ATP9A: variants seen among roughly 807,000 people sequenced by gnomAD.
ATP9A encodes the protein ATPase phospholipid transporting 9A, also known as probable phospholipid-transporting ATPase IIA.
In ATP9A, 52 loss-of-function variants were observed where a neutral mutation model predicts 144.1. That is an observed-to-expected ratio of 0.36 (90% CI 0.29 to 0.45). The LOEUF (loss-of-function observed/expected upper bound fraction) is 0.45, where lower values mean the gene tolerates loss of function less well. ATP9A is among the 20% of genes least tolerant of loss of function. The pLI, the probability that ATP9A is intolerant of heterozygous loss-of-function variation, is 1.00. For missense variants in ATP9A, 947 were observed against 1,392.7 expected, an observed-to-expected ratio of 0.68 and a Z score of 5.09; for synonymous variants, 582 against 557.4, an observed-to-expected ratio of 1.04 and a Z score of -0.62.
At chr20:51,729,117 A>T (rs1315117561) in intron 2 of ATP9A, among the ~76,000 whole-genome samples, 1 of 152,156 alleles carries the variant, frequency 6.6e-6, no homozygotes, top group African/African-American at 2.4e-5. Flanking sequence ...TTTCTCCTCT[A>T]AGCTATTATC....
intron 10 of ATP9A, 63 bp from the exon 11 acceptor site, chr20:51,674,376 C>G (rs1413400758): frequency 1.2e-5 from 19 of 1,565,332 alleles, no homozygotes; most frequent in Non-Finnish European, 1.7e-5. Context: ...CAAACCTAAA[C>G]CAGGAGGTGG....
intron 14 of ATP9A, among the ~76,000 whole-genome samples, chr20:51,650,358 A>AC (rs1258091156): frequency 1.3e-5 from 2 of 151,868 alleles, no homozygotes; most frequent in East Asian, 3.9e-4. Flanking sequence ...ATATGGTGAA[A>AC]CCCCGTCTCT....
intron 8 of ATP9A, among the ~76,000 whole-genome samples, chr20:51,690,456 C>T (rs770174376): frequency 6.6e-6 from 1 of 152,128 alleles, no homozygotes; most frequent in Non-Finnish European, 1.5e-5. Context: ...ATCTGAAGGA[C>T]AGAGAAAGAA....
At chr20:51,731,794 C>A (rs1178256070) in intron 1 of ATP9A, among the ~76,000 whole-genome samples, 1 of 152,122 alleles carries the variant, frequency 6.6e-6, no homozygotes. Flanking sequence ...CTGGGTCTGG[C>A]CTTGAACTGT....
intron 15 of ATP9A, among the ~76,000 whole-genome samples, chr20:51,634,413 C>T (rs925788224): frequency 1.3e-5 from 2 of 152,264 alleles, no homozygotes; most frequent in East Asian, 1.9e-4. Context: ...ACTCAAGATA[C>T]GGTTTAGAAG....
intron 10 of ATP9A, among the ~76,000 whole-genome samples, chr20:51,674,998 G>A (rs2077471223): frequency 6.6e-6 from 1 of 152,156 alleles, no homozygotes. Context: ...TTTTAGTAGA[G>A]ACGGAGTTTC....
intron 1 of ATP9A, among the ~76,000 whole-genome samples, chr20:51,740,236 T>C (rs1466366240): frequency 3.3e-5 from 5 of 151,514 alleles, no homozygotes; most frequent in Admixed American, 6.6e-5. Context: ...TTATAATTTT[T>C]TGTAGAGTCA....
intron 9 of ATP9A, among the ~76,000 whole-genome samples, chr20:51,685,331 C>T (rs1006447917): frequency 2.0e-5 from 3 of 152,050 alleles, no homozygotes; most frequent in African/African-American, 4.8e-5. Context: ...GAGACTGAGG[C>T]GGGTGGATCA....
At chr20:51,695,940 T>C (rs1450264670) in intron 6 of ATP9A, among the ~76,000 whole-genome samples, 153 bp downstream of exon 6, 1 of 152,224 alleles carries the variant, frequency 6.6e-6, no homozygotes, top group East Asian at 1.9e-4. Flanking sequence ...AACAACACTG[T>C]TTAAAAAGCA....
chr20:51,768,361 G>T lies in ATP9A; in HGVS notation c.9C>A (p.Asp3Glu). The T allele has an allele frequency of 7.9e-7, 1 of 1,270,142 alleles. No homozygotes were observed. Among genetic ancestry groups the T allele is most frequent in the Non-Finnish European group, 1.0e-6 (1 of 998,094 alleles). The allele number at this position is 1,270,142 out of a possible 1,614,324, so 78.7% of individuals were successfully genotyped here. A position where few individuals can be genotyped will look rare whatever the true frequency, so the allele number is the denominator to read the frequency against. ...GGCGCACCGGCTGCAGCGGGATGTT[G>T]TCCGTCATGTCGGCGGCGCCGCCCG... is the stretch of plus-strand genomic sequence containing the variant. MT[D>E]NIPLQPVRQK... Residue 3 changes from aspartate (D) to glutamate (E), a missense_variant, in exon 1 of 28, where the codon GAC becomes GAA. Around this residue, in one of 2 missense-constraint regions of ATP9A, gnomAD observed 770 missense variants for 1,047.9 expected, o/e 0.73. Transcript: ENST00000338821.
chr20:51,692,078 G>C (rs766009358), intron 7 of ATP9A, among the ~76,000 whole-genome samples: 6 of 152,214 alleles, frequency 3.9e-5, no homozygotes, highest in Non-Finnish European at 8.8e-5. Context: ...AAAGATGCTT[G>C]CCAGGGGCTG....
intron 11 of ATP9A, among the ~76,000 whole-genome samples, chr20:51,672,785 G>T (rs1659412319): frequency 6.6e-6 from 1 of 151,970 alleles, no homozygotes; most frequent in Non-Finnish European, 1.5e-5. Context: ...AGAACAATAT[G>T]GGGGAAAGTA....
At chr20:51,761,995 T>C (rs993166113) in intron 1 of ATP9A, among the ~76,000 whole-genome samples, 1 of 152,060 alleles carries the variant, frequency 6.6e-6, no homozygotes, top group African/African-American at 2.4e-5. Context: ...AAGCCAGCAG[T>C]GCAGCCTCTC....
chr20:51,698,564 C>A (rs1275647450), intron 4 of ATP9A, among the ~76,000 whole-genome samples: 1 of 152,112 alleles, frequency 6.6e-6, no homozygotes, highest in Non-Finnish European at 1.5e-5. Flanking sequence ...GCCAGGCGTT[C>A]TAAGGGCTGG....
chr20:51,750,952 G>A (rs768623750), intron 1 of ATP9A, among the ~76,000 whole-genome samples: 13 of 152,132 alleles, frequency 8.5e-5, no homozygotes, highest in South Asian at 2.1e-4. Flanking sequence ...CTATGGGAGC[G>A]TCCATGAGCA....
intron 13 of ATP9A, among the ~76,000 whole-genome samples, chr20:51,658,271 C>T (rs553650727): frequency 5.9e-5 from 9 of 152,078 alleles, no homozygotes; most frequent in Admixed American, 3.3e-4. Context: ...ACCAGCCTGC[C>T]GAACATGGTA....
chr20:51,697,826 T>C lies in ATP9A; in HGVS notation c.437-344A>G, dbSNP rs7269500. On this transcript the variant is annotated intron_variant, in intron 4 of 27. Transcript: ENST00000338821. ...ACTTAACAGTGACTTAGATGCAAAG[T>C]ACCGGGGGAAAAAAGTCTTAATTTT... is the stretch of plus-strand genomic sequence containing the variant. Among the ~76,000 whole-genome samples, 321 of 152,274 alleles carry C rather than the reference T, an allele frequency of 2.1e-3. 1 individual carries two copies. Among genetic ancestry groups the C allele is most frequent in the African/African-American group, 7.4e-3 (309 of 41,552 alleles).
intron 2 of ATP9A, among the ~76,000 whole-genome samples, chr20:51,728,221 C>A (rs1475147165): frequency 6.6e-6 from 1 of 152,126 alleles, no homozygotes; most frequent in Non-Finnish European, 1.5e-5. Flanking sequence ...GGAGTGTGGC[C>A]CAGTCTGCAT....
chr20:51,683,880 A>G (rs2077511012), intron 9 of ATP9A, among the ~76,000 whole-genome samples: 1 of 152,202 alleles, frequency 6.6e-6, no homozygotes, highest in South Asian at 2.1e-4. Context: ...ATGTAAGACT[A>G]TATAAACACT....
Sources: allele counts gnomAD v4.1 joint callset (sites outside exome capture counted in the v4.1 genomes callset), GRCh38; gene constraint gnomAD v4.1.1; regional missense constraint gnomAD v4.1.1; transcripts MANE v1.5; gene names NCBI Gene and HGNC (gene_info 2026-07-23, HGNC 2026-07-21).